The following SNX31 variants were observed in gnomAD, a reference collection of about 807,000 sequenced individuals.
The protein encoded by SNX31 is sorting nexin 31, also known as sorting nexin-31.
SNX31 carries 58 observed loss-of-function variants against 65.4 expected under a neutral mutation model. The ratio of observed to expected loss-of-function variants is 0.89; its 90% confidence interval spans 0.72 to 1.10. The LOEUF is 1.10. Among genes scored for constraint, SNX31 ranks in the 50% least tolerant of loss-of-function variants. The probability of loss-of-function intolerance (pLI) is 0.00; values close to 1 mark genes in which losing one functional copy is unlikely to be tolerated. For synonymous variants in SNX31, 181 were observed against 190.1 expected, an observed-to-expected ratio of 0.95 and a Z score of 0.39; for missense variants, 523 against 529.7, an observed-to-expected ratio of 0.99 and a Z score of 0.12.
rs1815925222 is a variant in SNX31, at chr8:100,604,186, G to A, written c.682-3745C>T. On this transcript the variant is annotated intron_variant, in intron 8 of 13. Transcript: ENST00000311812. This position sits in a 1 kb window ranked among gnomAD's most constrained non-coding sequence, Gnocchi z 4.3. ...AGTCTACTCAGTTACACGGTTCCCT[G>A]AACACTGGCTGAGAGGGGAGTATGC... is the stretch of plus-strand genomic sequence containing the variant. 6.6e-6 allele frequency among the ~76,000 whole-genome samples: 1 copy of A among 152,086 alleles called. No individual in the cohort carries two copies. Among genetic ancestry groups the A allele is most frequent in the African/African-American group, 2.4e-5 (1 of 41,400 alleles).
chr8:100,630,529 T>A lies in SNX31; in HGVS notation c.257-138A>T. 1 of 695,832 alleles carries A rather than the reference T, an allele frequency of 1.4e-6. No homozygotes were observed. Among genetic ancestry groups the A allele is most frequent in the Non-Finnish European group, 2.3e-6 (1 of 430,272 alleles). The allele number at this position is 695,832 out of a possible 1,614,324, so 43.1% of individuals were successfully genotyped here. A position where few individuals can be genotyped will look rare whatever the true frequency, so the allele number is the denominator to read the frequency against. On this transcript the variant is annotated intron_variant, in intron 3 of 13. Coordinates refer to ENST00000311812, the MANE Select transcript of SNX31 (RefSeq NM_152628.4). The surrounding 1 kb of genome is among the most constrained non-coding windows in gnomAD (Gnocchi z 5.3). ...CTGAAGTGATAAATGTTGAAACCTC[T>A]CAAATACAGGAAAACCCCCAAAGCT...
chr8:100,598,078 G>A (rs1457648661), intron 9 of SNX31, among the ~76,000 whole-genome samples: 1 of 152,172 alleles, frequency 6.6e-6, no homozygotes, highest in Admixed American at 6.5e-5. Context: ...CTCCGGAGGC[G>A]TTCTCTGATA....
At chr8:100,574,505 C>T (rs992866124) in intron 13 of SNX31, among the ~76,000 whole-genome samples, 6 of 152,002 alleles carry the variant, frequency 3.9e-5, no homozygotes, top group African/African-American at 1.4e-4. Context: ...TGGTGGCTGG[C>T]GCCTGTGGTC....
At chr8:100,611,975 T>C (rs375975940) in intron 7 of SNX31, 25 bp downstream of exon 7, 1 of 1,588,256 alleles carries the variant, frequency 6.3e-7, no homozygotes, top group African/African-American at 1.3e-5. Context: ...GTCAAACGCC[T>C]CTGTCACTTT....
At chr8:100,655,810 A>G (rs925755172) in intron 1 of SNX31, among the ~76,000 whole-genome samples, 1 of 152,156 alleles carries the variant, frequency 6.6e-6, no homozygotes, top group Admixed American at 6.5e-5. Flanking sequence ...TTTGCCCTGT[A>G]GATGAAGAAG....
At chr8:100,639,201 G>T (rs773777877) in intron 2 of SNX31, among the ~76,000 whole-genome samples, 7 of 152,164 alleles carry the variant, frequency 4.6e-5, no homozygotes, top group Non-Finnish European at 8.8e-5. Context: ...GAAGCTTCGT[G>T]TTTGCAAATA....
At position 100,617,707 on chromosome 8, in the gene SNX31, C is replaced by T. The variant is rs199539370; in HGVS notation, c.345G>A (p.Lys115=). The change falls in exon 5 of 14, where the codon AAG becomes AAA. Residue 115 remains lysine, a synonymous_variant. Coordinates refer to ENST00000311812, the MANE Select transcript of SNX31 (RefSeq NM_152628.4). The part of the protein sequence containing the change: ...AQLNTFDIAT[K]KAYLDIFLPN... ...GCAGAAATATGTCCAGATAAGCTTT[C>T]TTGGTGGCGATGTCAAATGTATTCT... 1.2e-6 allele frequency: 2 copies of T among 1,612,644 alleles called. No individual in the cohort carries two copies. Among genetic ancestry groups the T allele is most frequent in the South Asian group, 1.1e-5 (1 of 90,968 alleles).
intron 1 of SNX31, among the ~76,000 whole-genome samples, chr8:100,656,894 A>G (rs537778417): frequency 9.9e-5 from 15 of 152,240 alleles, no homozygotes; most frequent in Admixed American, 9.2e-4. Flanking sequence ...GCTGCCGACA[A>G]TGATTCCCAG....
In SNX31 at chr8:100,575,139, G is replaced by T. The variant is rs573332230; in HGVS notation, c.1228-1179C>A. Among the ~76,000 whole-genome samples the T allele has an allele frequency of 2.0e-5, 3 of 152,150 alleles. No individual in the cohort carries two copies. The highest frequency in any genetic ancestry group is 1.3e-4 in the Admixed American group (2 of 15,270). On this transcript the variant is annotated intron_variant, in intron 13 of 13. Transcript: ENST00000311812. This position sits in a 1 kb window ranked among gnomAD's most constrained non-coding sequence, Gnocchi z 5.1. Reference sequence around the variant, plus strand: ...TCTACGAGGGATTTGTTTTGATAGAGGGGCCTCACTGCCAAGTGGTTAAAG... The same window carrying T: ...TCTACGAGGGATTTGTTTTGATAGATGGGCCTCACTGCCAAGTGGTTAAAG...
At chr8:100,597,921 C>T (rs1027758113) in intron 9 of SNX31, among the ~76,000 whole-genome samples, 4 of 152,166 alleles carry the variant, frequency 2.6e-5, no homozygotes, top group African/African-American at 7.2e-5. Context: ...CAGCTTTCGC[C>T]ATGGGCCTGG....
rs1011761867 is a variant in SNX31 at position 100,594,331 on chromosome 8, C to T, written c.978+2308G>A. 1.3e-5 allele frequency among the ~76,000 whole-genome samples: 2 copies of T among 151,836 alleles called. No homozygotes were observed. Among genetic ancestry groups the T allele is most frequent in the African/African-American group, 2.4e-5 (1 of 41,336 alleles). ...AACAAAACCAAAACAAGGAAACAGACAAACAACAACAACAACAACAAAACC... is the reference window on the plus strand; with the variant it reads ...AACAAAACCAAAACAAGGAAACAGATAAACAACAACAACAACAACAAAACC... On this transcript the variant is annotated intron_variant, in intron 10 of 13. Coordinates refer to ENST00000311812, the MANE Select transcript of SNX31 (RefSeq NM_152628.4). The surrounding 1 kb of genome is among the most constrained non-coding windows in gnomAD (Gnocchi z 4.0).
intron 4 of SNX31, among the ~76,000 whole-genome samples, chr8:100,628,610 G>T (rs887082285): frequency 6.6e-6 from 1 of 151,956 alleles, no homozygotes; most frequent in African/African-American, 2.4e-5. Context: ...GGAAGGGGGA[G>T]GGATAGCATT....
intron 12 of SNX31, among the ~76,000 whole-genome samples, chr8:100,581,202 A>G (rs769312029): frequency 2.4e-4 from 36 of 151,618 alleles, no homozygotes; most frequent in Non-Finnish European, 4.4e-4. Flanking sequence ...GGGAGACTGA[A>G]GTAGGAGGAT....
chr8:100,588,819 C>G lies in SNX31; in HGVS notation c.1092+47G>C. On this transcript the variant is annotated intron_variant, in intron 11 of 13. Coordinates refer to ENST00000311812, the MANE Select transcript of SNX31 (RefSeq NM_152628.4). The surrounding 1 kb of genome is among the most constrained non-coding windows in gnomAD (Gnocchi z 4.8). ...GCTTCATCCACCCCAGCAAGCAAGA[C>G]AGCATTTCAGCACAGAGGGTGTTCA... The G allele has an allele frequency of 7.1e-7, 1 of 1,414,204 alleles. No homozygotes were observed. 87.6% of individuals were successfully genotyped at this position (1,414,204 alleles called of 1,614,324 possible). A position where few individuals can be genotyped will look rare whatever the true frequency, so the allele number is the denominator to read the frequency against.
At chr8:100,602,890 C>T (rs1002868196) in intron 8 of SNX31, among the ~76,000 whole-genome samples, 1 of 152,178 alleles carries the variant, frequency 6.6e-6, no homozygotes, top group African/African-American at 2.4e-5. Context: ...TGCTTGACTG[C>T]AGGTAACTGA....
Position 100,578,003 on chromosome 8 carries a change from T to C in SNX31, c.1171-928A>G, listed in dbSNP as rs536184040. 2.0e-5 allele frequency among the ~76,000 whole-genome samples: 3 copies of C among 152,366 alleles called. No individual in the cohort carries two copies. In the East Asian group the frequency reaches 5.8e-4, roughly 29 times the overall value. ...CCATGTAATATAGCTAATGAGCTTTTTAAAAATCACAAAAAAACACTCAGT... is the reference window on the plus strand; with the variant it reads ...CCATGTAATATAGCTAATGAGCTTTCTAAAAATCACAAAAAAACACTCAGT... On this transcript the variant is annotated intron_variant, in intron 12 of 13. Transcript: ENST00000311812. The surrounding 1 kb of genome is among the most constrained non-coding windows in gnomAD (Gnocchi z 4.7).
chr8:100,594,596 T>G lies in SNX31; in HGVS notation c.978+2043A>C, dbSNP rs1395870765. Among the ~76,000 whole-genome samples, 1 of 152,156 alleles carries G rather than the reference T, an allele frequency of 6.6e-6. No homozygotes were observed. The highest frequency in any genetic ancestry group is 2.4e-5 in the African/African-American group (1 of 41,434). On this transcript the variant is annotated intron_variant, in intron 10 of 13. Coordinates refer to ENST00000311812, the MANE Select transcript of SNX31 (RefSeq NM_152628.4). The surrounding 1 kb of genome is among the most constrained non-coding windows in gnomAD (Gnocchi z 4.0). ...TGCAAACTTAAGTCACAATGAAATA[T>G]CTTTACACATATATTAGAATGACTA...
chr8:100,643,790 T>C (rs1819435506), intron 2 of SNX31, among the ~76,000 whole-genome samples: 1 of 152,158 alleles, frequency 6.6e-6, no homozygotes, highest in African/African-American at 2.4e-5. Flanking sequence ...TGCTGGGTGT[T>C]CCATACCCAC....
At chr8:100,647,647 T>C (rs1819728451) in intron 2 of SNX31, among the ~76,000 whole-genome samples, 1 of 152,130 alleles carries the variant, frequency 6.6e-6, no homozygotes, top group African/African-American at 2.4e-5. Flanking sequence ...TAAGGACCCA[T>C]TTGCTTATTA....
Sources: allele counts gnomAD v4.1 joint callset (sites outside exome capture counted in the v4.1 genomes callset), GRCh38; gene constraint gnomAD v4.1.1; non-coding constraint Gnocchi (gnomAD v3.1); transcripts MANE v1.5; gene names NCBI Gene and HGNC (gene_info 2026-07-23, HGNC 2026-07-21).